Variants in SYDE2 observed in about 807,000 individuals in gnomAD.
The protein encoded by SYDE2 is rho GTPase-activating protein SYDE2.
Under a neutral mutation model 91.5 loss-of-function variants are expected in SYDE2, and 76 were observed. The observed-to-expected ratio is 0.83, with a 90% confidence interval of 0.69 to 1.01. The LOEUF is 1.01. Among genes scored for constraint, SYDE2 ranks in the 50% least tolerant of loss-of-function variants. The probability of loss-of-function intolerance (pLI) is 0.00; values close to 1 mark genes in which losing one functional copy is unlikely to be tolerated. For missense variants in SYDE2, 1,364 were observed against 1,367.7 expected (o/e 1.00, Z 0.04); for synonymous variants, 513 against 506.4 (o/e 1.01, Z -0.18).
At chr1:85,162,825 A>C (rs1276911806) in intron 6 of SYDE2, among the ~76,000 whole-genome samples, 1 of 152,178 alleles carries the variant, frequency 6.6e-6, no homozygotes, top group Non-Finnish European at 1.5e-5. Context: ...CCAGGGAAGC[A>C]AGTTTTCATT....
chr1:85,159,287 T>C (rs1351627834), intron 6 of SYDE2, 38 bp from the exon 7 acceptor site: 1 of 757,284 alleles, frequency 1.3e-6, no homozygotes, highest in East Asian at 2.4e-5. Context: ...GTGACAGTAA[T>C]CCAACTGAAC....
chr1:85,182,076 G>C, intron 3 of SYDE2, 22 bp downstream of exon 3: 1 of 1,543,942 alleles, frequency 6.5e-7, no homozygotes, highest in Non-Finnish European at 8.7e-7. Context: ...GGAAGTAGTA[G>C]GGAACCATAG....
chr1:85,161,927 C>A (rs1262826342), intron 6 of SYDE2, among the ~76,000 whole-genome samples: 1 of 152,162 alleles, frequency 6.6e-6, no homozygotes, highest in East Asian at 1.9e-4. Context: ...GAAGGCTGTT[C>A]TGGTCAACGG....
Position 85,182,584 on chromosome 1 carries a change from GA to G in SYDE2, c.2057del (p.Phe686SerfsTer7). The G allele has an allele frequency of 1.2e-6, 2 of 1,613,882 alleles. No homozygotes were observed. Among genetic ancestry groups the G allele is most frequent in the Non-Finnish European group, 1.7e-6 (2 of 1,179,850 alleles). ...GTGGTTTTAAATCCTCAGCACCATA[GA>G]AATGTACACTCATGAGCCCAGATAT... Reference protein sequence around the residue: ...QYISGLMSVHFYGAEDLKPPR... With the variant: ...QYISGLMSVHXYGAEDLKPPR... On this transcript the variant is annotated frameshift_variant, in exon 3 of 7. Coordinates refer to ENST00000341460, the MANE Select transcript of SYDE2 (RefSeq NM_032184.2). LOFTEE classifies it high-confidence loss of function.
Position 85,164,621 on chromosome 1 carries a change from T to C in SYDE2, c.2990A>G (p.Asn997Ser). 2.5e-6 allele frequency: 4 copies of C among 1,606,666 alleles called. No homozygotes were observed. In the South Asian group the frequency reaches 3.4e-5, roughly 14 times the overall value. The change falls in exon 6 of 7, where the codon AAC becomes AGC. Residue 997 changes from asparagine (N) to serine (S), a missense_variant. Asn to Ser is a conservative substitution (Grantham distance 46). Transcript: ENST00000341460. ...TTCTGAATCAGTAAAGACTCTGTTG[T>C]TATGGGTGGAAGGCTCTTGCCTCTG... The part of the protein sequence containing the change: ...LSQRQEPSTH[N>S]NRVFTDSEEL...
At chr1:85,185,804 C>T (rs1033336307) in intron 2 of SYDE2, among the ~76,000 whole-genome samples, 3 of 151,998 alleles carry the variant, frequency 2.0e-5, no homozygotes, top group Admixed American at 1.3e-4. Flanking sequence ...CTTCTCCTGC[C>T]TAATTGCCCT....
Position 85,158,432 on chromosome 1 carries a change from A to C in SYDE2, c.*318T>G, listed in dbSNP as rs769156614. ...CAGCTACAGAAGAGTGGTTCCCATA[A>C]AGCAGAAAAACCTTGAGGGGCTAAT... is the stretch of plus-strand genomic sequence containing the variant. On this transcript the variant is annotated 3_prime_UTR_variant, in exon 7 of 7. Transcript: ENST00000341460. 20 of 223,040 alleles carry C rather than the reference A, an allele frequency of 9.0e-5. No homozygotes were observed. The highest frequency in any genetic ancestry group is 1.5e-4 in the Non-Finnish European group (18 of 116,782). 13.8% of individuals were successfully genotyped at this position (223,040 alleles called of 1,614,324 possible).
Position 85,200,753 on chromosome 1 carries a change from A to G in SYDE2, c.244T>C (p.Ser82Pro). 1.3e-6 allele frequency: 2 copies of G among 1,529,890 alleles called. No individual in the cohort carries two copies. Among genetic ancestry groups the G allele is most frequent in the Non-Finnish European group, 1.7e-6 (2 of 1,143,522 alleles). 94.8% of individuals were successfully genotyped at this position (1,529,890 alleles called of 1,614,324 possible). A position where few individuals can be genotyped will look rare whatever the true frequency, so the allele number is the denominator to read the frequency against. ...AGGCTCTCGAGGCTTCTGCTGCAGG[A>G]CGGCCGCATCCGAGGAGTCCGCAGC... ...GQLRTPRMRP[S>P]CSRSLESLRV... Residue 82 changes from serine to proline, a missense_variant, in exon 1 of 7, where the codon TCC (serine) becomes CCC (proline). Ser to Pro is a moderately conservative substitution (Grantham distance 74). Coordinates refer to ENST00000341460, the MANE Select transcript of SYDE2 (RefSeq NM_032184.2).
intron 2 of SYDE2, among the ~76,000 whole-genome samples, chr1:85,183,579 C>CT (rs1658017676): frequency 2.2e-4 from 1 of 4,592 alleles, no homozygotes. Context: ...TCTCCCTCCA[C>CT]CCCATGTGTC....
Position 85,178,220 on chromosome 1 carries a change from C to T in SYDE2, c.2597G>A (p.Arg866Gln), listed in dbSNP as rs1490904541. ...TTTGCTATCTCTCTCAAAAGCCTCT[C>T]GCAGTTCTTTCTTGACTGCTGCCGA... The part of the protein sequence containing the change: ...CGSAAVKKEL[R>Q]EAFERDSKAV... Residue 866 changes from arginine (R) to glutamine (Q), a missense_variant, in exon 4 of 7, where the codon CGA becomes CAA. By Grantham distance (43) the Arg-to-Gln change is conservative (BLOSUM62 1). Transcript: ENST00000341460. 7 of 1,584,710 alleles carry T rather than the reference C, an allele frequency of 4.4e-6. No individual in the cohort carries two copies. Among genetic ancestry groups the T allele is most frequent in the Non-Finnish European group, 3.4e-6 (4 of 1,164,156 alleles).
At position 85,200,859 on chromosome 1, in the gene SYDE2, G is replaced by A; in HGVS notation, c.138C>T (p.Asp46=). The change falls in exon 1 of 7, where the codon GAC becomes GAT. Residue 46 remains aspartate (D), a synonymous_variant. Transcript: ENST00000341460. ...GAAYRRACPR[D]GERGGGGRPR... ...GGCGTCCGCCGCCTCCCCGCTCCCCGTCCCGGGGGCAGGCTCGGCGGTACG... is the reference window on the plus strand; with the variant it reads ...GGCGTCCGCCGCCTCCCCGCTCCCCATCCCGGGGGCAGGCTCGGCGGTACG... The A allele has an allele frequency of 1.5e-6, 2 of 1,371,590 alleles. No homozygotes were observed. The highest frequency in any genetic ancestry group is 1.9e-6 in the Non-Finnish European group (2 of 1,073,064). The allele number at this position is 1,371,590 out of a possible 1,614,324, so 85.0% of individuals were successfully genotyped here. A position where few individuals can be genotyped will look rare whatever the true frequency, so the allele number is the denominator to read the frequency against.
intron 4 of SYDE2, among the ~76,000 whole-genome samples, chr1:85,169,766 T>C (rs1436022438): frequency 6.6e-6 from 1 of 152,170 alleles, no homozygotes; most frequent in Non-Finnish European, 1.5e-5. Context: ...CACTATCATA[T>C]GCAAGAAAAA....
chr1:85,178,338 A>T, intron 3 of SYDE2, 66 bp from the exon 4 acceptor site: 1 of 1,413,654 alleles, frequency 7.1e-7, no homozygotes, highest in African/African-American at 1.4e-5. Context: ...TGCATTATAG[A>T]TCACATGAAC....
At chr1:85,159,825 T>C in intron 6 of SYDE2, 1 of 977,318 alleles carries the variant, frequency 1.0e-6, no homozygotes, top group Non-Finnish European at 1.2e-6. Context: ...CTTTGTTACC[T>C]GAGTTTGATT....
intron 2 of SYDE2, among the ~76,000 whole-genome samples, chr1:85,188,150 C>T (rs1254556749): frequency 6.6e-6 from 1 of 152,084 alleles, no homozygotes; most frequent in African/African-American, 2.4e-5. Context: ...CTATATCCGT[C>T]GCTATCTGTG....
intron 4 of SYDE2, among the ~76,000 whole-genome samples, chr1:85,175,036 A>G (rs1402469743): frequency 6.6e-6 from 1 of 152,228 alleles, no homozygotes; most frequent in East Asian, 1.9e-4. Flanking sequence ...GCATGGTCAA[A>G]TGAACTTTCA....
intron 4 of SYDE2, 95 bp downstream of exon 4, chr1:85,178,051 A>G (rs148077727): frequency 3.1e-5 from 33 of 1,075,206 alleles, no homozygotes; most frequent in Non-Finnish European, 4.1e-5. Flanking sequence ...CAGAATAAAA[A>G]CAAATTAAAT....
Position 85,178,201 on chromosome 1 carries a change from ATC to A in SYDE2, c.2614_2615del (p.Asp872Ter). 1 of 1,587,112 alleles carries A rather than the reference ATC, an allele frequency of 6.3e-7. No individual in the cohort carries two copies. Among genetic ancestry groups the A allele is most frequent in the Non-Finnish European group, 8.6e-7 (1 of 1,165,442 alleles). On this transcript the variant is annotated frameshift_variant, in exon 4 of 7. Transcript: ENST00000341460. LOFTEE classifies it high-confidence loss of function. ...TTTCACACAGACCAACAGCTTTGCT[ATC>A]TCTCTCAAAAGCCTCTCGCAGTTCT... ...KKELREAFER[D>X]SKAVGLCENQ...
intron 6 of SYDE2, among the ~76,000 whole-genome samples, chr1:85,163,480 T>TATATATATATATATATAA (rs1216698478): frequency 1.6e-4 from 22 of 134,638 alleles, no homozygotes; most frequent in African/African-American, 5.9e-4. Flanking sequence ...TATATATATA[T>TATATATATATATATATAA]AACAAAAGAG....
Sources: allele counts gnomAD v4.1 joint callset (sites outside exome capture counted in the v4.1 genomes callset), GRCh38; gene constraint gnomAD v4.1.1; transcripts MANE v1.5; gene names NCBI Gene and HGNC (gene_info 2026-07-23, HGNC 2026-07-21).